TSPEAR: variants seen among roughly 807,000 people sequenced by gnomAD.
TSPEAR encodes the protein thrombospondin-type laminin G domain and EAR repeat-containing protein.
In TSPEAR, 69 loss-of-function variants were observed where a neutral mutation model predicts 71.6. That is an observed-to-expected ratio of 0.96 (90% CI 0.79 to 1.18). TSPEAR has a LOEUF of 1.18. Ranked by LOEUF, TSPEAR falls within the 50% of genes most tolerant of loss-of-function variation. The pLI, the probability that TSPEAR is intolerant of heterozygous loss-of-function variation, is 0.00. For synonymous variants in TSPEAR, 402 were observed against 387.2 expected, an observed-to-expected ratio of 1.04 and a Z score of -0.45; for missense variants, 971 against 894.9, an observed-to-expected ratio of 1.09 and a Z score of -1.09.
intron 9 of TSPEAR, among the ~76,000 whole-genome samples, chr21:44,514,054 G>A (rs2052479050): frequency 6.6e-6 from 1 of 152,186 alleles, no homozygotes; most frequent in Non-Finnish European, 1.5e-5. Context: ...AGCTGCCTAG[G>A]CCACTGCCAG....
chr21:44,710,290 C>T lies in TSPEAR; in HGVS notation c.82+1143G>A, dbSNP rs1218359162. Among the ~76,000 whole-genome samples the T allele has an allele frequency of 1.3e-5, 2 of 152,226 alleles. No homozygotes were observed. The highest frequency in any genetic ancestry group is 4.8e-5 in the African/African-American group (2 of 41,474). On this transcript the variant is annotated intron_variant, in intron 1 of 11. Coordinates refer to ENST00000323084, the MANE Select transcript of TSPEAR (RefSeq NM_144991.3). The surrounding 1 kb of genome is among the most constrained non-coding windows in gnomAD (Gnocchi z 4.6). Reference sequence around the variant, plus strand: ...GTGCAGCTGTGCGGGAGCTTCAGTCCTGTCCCCAACACCCAGGCAGTAATG... The same window carrying T: ...GTGCAGCTGTGCGGGAGCTTCAGTCTTGTCCCCAACACCCAGGCAGTAATG...
intron 1 of TSPEAR, among the ~76,000 whole-genome samples, chr21:44,606,212 G>T (rs1356400833): frequency 6.5e-5 from 8 of 123,552 alleles, no homozygotes; most frequent in Admixed American, 1.6e-4. Flanking sequence ...ATGGGCAAAA[G>T]ACCTAAACAG....
At chr21:44,540,059 C>T (rs1379390657) in intron 2 of TSPEAR, 4 of 1,613,232 alleles carry the variant, frequency 2.5e-6, no homozygotes, top group African/African-American at 2.7e-5. Context: ...GAGGGCGCAG[C>T]AGTGGGGCTC....
At chr21:44,552,656 T>C (rs990555020) in intron 2 of TSPEAR, among the ~76,000 whole-genome samples, 1 of 152,148 alleles carries the variant, frequency 6.6e-6, no homozygotes. Flanking sequence ...GGTGACACAA[T>C]TGTCCACCTA....
rs587664346 is a variant in TSPEAR at position 44,529,470 on chromosome 21, G to C, written c.790+328C>G. 1.4e-4 allele frequency among the ~76,000 whole-genome samples: 21 copies of C among 152,306 alleles called. No individual in the cohort carries two copies. In the South Asian group the frequency reaches 4.4e-3, roughly 32 times the overall value. ...GTCCTTGGGGGGCAAAAGGGGATGA[G>C]GGATGTCAGATAGCTCTGGACAGAC... is the stretch of plus-strand genomic sequence containing the variant. On this transcript the variant is annotated intron_variant, in intron 5 of 11. Coordinates refer to ENST00000323084, the MANE Select transcript of TSPEAR (RefSeq NM_144991.3).
chr21:44,646,323 G>A (rs1184754447), intron 1 of TSPEAR: 1 of 1,263,910 alleles, frequency 7.9e-7, no homozygotes, highest in Non-Finnish European at 1.1e-6. Context: ...AAAGCTTGTG[G>A]AGCCTCCTGT....
intron 1 of TSPEAR, among the ~76,000 whole-genome samples, chr21:44,678,547 C>G (rs1555947421): frequency 6.6e-6 from 1 of 152,108 alleles, no homozygotes; most frequent in South Asian, 2.1e-4. Flanking sequence ...TTATAAATTA[C>G]CCAGTCTCAG....
At chr21:44,556,741 T>G (rs1488705265) in intron 2 of TSPEAR, among the ~76,000 whole-genome samples, 6 of 152,124 alleles carry the variant, frequency 3.9e-5, no homozygotes, top group African/African-American at 1.4e-4. Flanking sequence ...AACCTGTTGA[T>G]GAGATTGTTT....
At chr21:44,621,206 C>A (rs2146192169) in intron 1 of TSPEAR, among the ~76,000 whole-genome samples, 1 of 152,230 alleles carries the variant, frequency 6.6e-6, no homozygotes, top group South Asian at 2.1e-4. Flanking sequence ...TCCTCTATTT[C>A]CTTATTGAAT....
intron 1 of TSPEAR, among the ~76,000 whole-genome samples, chr21:44,636,347 G>A (rs587643507): frequency 2.6e-5 from 4 of 152,290 alleles, no homozygotes; most frequent in East Asian, 3.9e-4. Context: ...GCTGGCTGAC[G>A]GGCTTCCTTT....
chr21:44,636,280 T>C (rs1983561757), intron 1 of TSPEAR, among the ~76,000 whole-genome samples: 1 of 152,254 alleles, frequency 6.6e-6, no homozygotes, highest in African/African-American at 2.4e-5. Context: ...TCAAGGTTTA[T>C]GCTTTCGTTC....
intron 1 of TSPEAR, among the ~76,000 whole-genome samples, chr21:44,591,080 C>G (rs587594198): frequency 2.4e-4 from 37 of 151,848 alleles, no homozygotes; most frequent in South Asian, 4.1e-4. Flanking sequence ...CTGTGCCCCC[C>G]GGGGGTCCAC....
Position 44,522,020 on chromosome 21 carries a change from A to T in TSPEAR, c.1429T>A (p.Tyr477Asn). ...ANQTIATSGAYDWEFFSVGPY... is the reference protein window; with the variant it reads ...ANQTIATSGANDWEFFSVGPY... ...CCCACACTGAAGAACTCCCAGTCGT[A>T]GGCGCCGGAGGTGGCGATGGTCTGG... Residue 477 changes from tyrosine to asparagine, a missense_variant, in exon 9 of 12, where the codon TAC becomes AAC. Physicochemically the swap from Tyr to Asn is moderately radical, Grantham distance 143. Transcript: ENST00000323084. 3 of 1,614,030 alleles carry T rather than the reference A, an allele frequency of 1.9e-6. No homozygotes were observed. Among genetic ancestry groups the T allele is most frequent in the Non-Finnish European group, 2.5e-6 (3 of 1,179,980 alleles).
At chr21:44,707,433 C>T (rs1310876438) in intron 1 of TSPEAR, among the ~76,000 whole-genome samples, 1 of 152,216 alleles carries the variant, frequency 6.6e-6, no homozygotes. Flanking sequence ...GGAACCTAGT[C>T]CAGACCCGTC....
rs1326668326 is a variant in TSPEAR, at chr21:44,710,500, T to C, written c.82+933A>G. 2.0e-5 allele frequency among the ~76,000 whole-genome samples: 3 copies of C among 150,702 alleles called. No homozygotes were observed. Among genetic ancestry groups the C allele is most frequent in the Non-Finnish European group, 3.0e-5 (2 of 67,696 alleles). On this transcript the variant is annotated intron_variant, in intron 1 of 11. Transcript: ENST00000323084. This position sits in a 1 kb window ranked among gnomAD's most constrained non-coding sequence, Gnocchi z 4.6. The stretch of plus-strand genomic sequence containing the variant: ...TCATCCCCTGGTCATGTCATCGGGA[T>C]CTGAGTGCCATCCGAGCAGAGAGCT...
In TSPEAR at chr21:44,504,833, C is replaced by T. The variant is rs782387028; in HGVS notation, c.1803G>A (p.Val601=). 9.9e-6 allele frequency: 16 copies of T among 1,613,622 alleles called. No individual in the cohort carries two copies. Among genetic ancestry groups the T allele is most frequent in the Admixed American group, 3.3e-5 (2 of 59,980 alleles). The change falls in exon 11 of 12, where the codon GTG becomes GTA. Residue 601 remains valine, a synonymous_variant. Coordinates refer to ENST00000323084, the MANE Select transcript of TSPEAR (RefSeq NM_144991.3). ...TACGCCCATCGAAGGAGTTGGCCAC[C>T]ACCAGGAAATAATCTTCTCCCACCG... ...FFSVGEDYFL[V]VANSFDGRTF... is the part of the protein sequence containing the mutation.
At chr21:44,585,449 T>C (rs1979278848) in intron 1 of TSPEAR, among the ~76,000 whole-genome samples, 1 of 152,196 alleles carries the variant, frequency 6.6e-6, no homozygotes, top group Non-Finnish European at 1.5e-5. Flanking sequence ...TTTATTCCCA[T>C]ATGGGTTTGA....
chr21:44,686,563 G>C (rs4818959), intron 1 of TSPEAR: 109,908 of 153,070 alleles, frequency 0.72, 39,747 homozygotes, highest in Middle Eastern at 0.85. Context: ...CGCCTCCTGC[G>C]GGTCCTCCAG....
chr21:44,646,014 A>G (rs1224786049), intron 1 of TSPEAR, among the ~76,000 whole-genome samples: 3 of 145,978 alleles, frequency 2.1e-5, no homozygotes, highest in African/African-American at 2.5e-5. Context: ...AATCCCAGCT[A>G]CTCGGGAGGC....
Sources: gnomAD v4.1 joint callset for allele counts (sites outside exome capture counted in the v4.1 genomes callset) on GRCh38, gnomAD v4.1.1 for gene constraint, Gnocchi (gnomAD v3.1) non-coding constraint, MANE v1.5 for transcripts, NCBI Gene and HGNC (gene_info 2026-07-23, HGNC 2026-07-21) for gene names.